Variants in MNX1 observed in about 807,000 individuals in gnomAD.
The protein encoded by MNX1 is motor neuron and pancreas homeobox 1, also known as motor neuron and pancreas homeobox protein 1.
In MNX1, 2 loss-of-function variants were observed where a neutral mutation model predicts 17.3. The observed-to-expected ratio is 0.12, with a 90% CI of 0.05 to 0.36. The LOEUF (loss-of-function observed/expected upper bound fraction) is 0.36, where lower values mean the gene tolerates loss of function less well. Ranked by LOEUF, MNX1 falls within the 10% of genes least tolerant of loss-of-function variation. The pLI is 1.00. For missense variants in MNX1, 556 were observed against 564.7 expected (o/e 0.98, Z 0.16); for synonymous variants, 306 against 283.1 (o/e 1.08, Z -0.81).
intron 1 of MNX1, chr7:157,009,347 T>C (rs1282205257): frequency 1.4e-6 from 2 of 1,413,422 alleles, no homozygotes; most frequent in Non-Finnish European, 1.8e-6. Flanking sequence ...TCGGCTCGCC[T>C]TCCCCCGGCG....
chr7:157,007,577 G>A (rs28700151), intron 1 of MNX1: 15,395 of 152,274 alleles, frequency 0.1, 884 homozygotes, highest in Middle Eastern at 0.14. Context: ...AGGCAGAGGC[G>A]CAGGCAGGAT....
intron 2 of MNX1, 37 bp from the exon 3 acceptor site, chr7:157,005,910 C>G (rs764534278): frequency 4.6e-5 from 74 of 1,606,126 alleles, no homozygotes; most frequent in Non-Finnish European, 5.9e-5. Context: ...CCGGCCACCG[C>G]CACCCCAGGG....
At chr7:157,008,998 C>G (rs1472405945) in intron 1 of MNX1, 1 of 1,537,140 alleles carries the variant, frequency 6.5e-7, no homozygotes, top group Admixed American at 2.0e-5. Context: ...CATTCGTTAC[C>G]TTGTTGGGCG....
chr7:157,009,333 G>A (rs1056869713), intron 1 of MNX1: 105 of 1,412,864 alleles, frequency 7.4e-5, no homozygotes, highest in Middle Eastern at 1.8e-4. Context: ...AATTCAGGGC[G>A]CTCTCGGCTC....
In MNX1 at chr7:157,009,955, G is replaced by GGCGGCA; in HGVS notation, c.395_396insTGCCGC (p.Ala133_Ala134dup). The GGCGGCA allele has an allele frequency of 1.0e-6, 1 of 963,576 alleles. No individual in the cohort carries two copies. The highest frequency in any genetic ancestry group is 4.7e-5 in the South Asian group (1 of 21,498). The allele number at this position is 963,576 out of a possible 1,614,324, so 59.7% of individuals were successfully genotyped here. A position where few individuals can be genotyped will look rare whatever the true frequency, so the allele number is the denominator to read the frequency against. On this transcript the variant is annotated inframe_insertion, in exon 1 of 3. Coordinates refer to ENST00000252971, the MANE Select transcript of MNX1 (RefSeq NM_005515.4). ...GCCCCAGCGCCAGGCCCCCAGCGGC[G>GGCGGCA]GCGGCGGCGGCGGCGGCGGCGGCAG...
In MNX1 at chr7:157,009,892, C is replaced by T; in HGVS notation, c.459G>A (p.Pro153=). ...PGGAQGGAGL[P]AQAALYGHPV... Reference sequence around the variant, plus strand: ...GGTGGCCGTAGAGCGCCGCCTGCGCCGGGAGGCCCGCGCCGCCCTGCGCGC... The same window carrying T: ...GGTGGCCGTAGAGCGCCGCCTGCGCTGGGAGGCCCGCGCCGCCCTGCGCGC... The change falls in exon 1 of 3, where the codon CCG becomes CCA. Residue 153 remains proline, a synonymous_variant. Coordinates refer to ENST00000252971, the MANE Select transcript of MNX1 (RefSeq NM_005515.4). 4.3e-6 allele frequency: 6 copies of T among 1,400,910 alleles called. No homozygotes were observed. The highest frequency in any genetic ancestry group is 4.6e-6 in the Non-Finnish European group (5 of 1,081,302). 86.8% of individuals were successfully genotyped at this position (1,400,910 alleles called of 1,614,324 possible). A position where few individuals can be genotyped will look rare whatever the true frequency, so the allele number is the denominator to read the frequency against.
chr7:157,010,519 C>T lies in MNX1; in HGVS notation c.-169G>A. On this transcript the variant is annotated 5_prime_UTR_variant, in exon 1 of 3. Transcript: ENST00000252971. ...AAACTCAGCCGAGGGTGACCATGGT[C>T]CCGGCGCCTCCTCCGTGCGGGCCCC... is the stretch of plus-strand genomic sequence containing the variant. 2 of 436,010 alleles carry T rather than the reference C, an allele frequency of 4.6e-6. No individual in the cohort carries two copies. The highest frequency in any genetic ancestry group is 8.1e-6 in the Non-Finnish European group (2 of 246,854). 27.0% of individuals were successfully genotyped at this position (436,010 alleles called of 1,614,324 possible). A position where few individuals can be genotyped will look rare whatever the true frequency, so the allele number is the denominator to read the frequency against.
rs1805571175 is a variant in MNX1 at position 157,005,385 on chromosome 7, G to A, written c.*135C>T. ...GGCCGAATCCCTCCAGCCCCGGCCT[G>A]GGCGAGGGGTCCATGGGGCGGCGGT... On this transcript the variant is annotated 3_prime_UTR_variant, in exon 3 of 3. Transcript: ENST00000252971. The A allele has an allele frequency of 9.4e-6, 5 of 530,522 alleles. No homozygotes were observed. Among genetic ancestry groups the A allele is most frequent in the Non-Finnish European group, 1.1e-5 (4 of 371,312 alleles). 32.9% of individuals were successfully genotyped at this position (530,522 alleles called of 1,614,324 possible).
At position 157,009,670 on chromosome 7, in the gene MNX1, G is replaced by C. The variant is rs764138906; in HGVS notation, c.681C>G (p.Pro227=). The C allele has an allele frequency of 3.7e-6, 6 of 1,609,200 alleles. No individual in the cohort carries two copies. In the South Asian group the frequency reaches 4.4e-5, roughly 12 times the overall value. Residue 227 remains proline, a synonymous_variant, in exon 1 of 3, where the codon CCC becomes CCG. Transcript: ENST00000252971. ...STAGMILPKM[P]DFNSQAQSNL... is the part of the protein sequence containing the mutation. ...CCGCAGGGTACTCACAGTTGAAGTC[G>C]GGCATCTTAGGCAGGATCATGCCCG...
Position 157,005,557 on chromosome 7 carries a change from G to C in MNX1, c.1169C>G (p.Pro390Arg), listed in dbSNP as rs1371779016. ...SSDCSSEDDS[P>R]PPRPSHQPAP... The stretch of plus-strand genomic sequence containing the variant: ...GGGCTGGTGGCTGGGCCGCGGGGGC[G>C]GCGAGTCGTCCTCCGAGGAGCAGTC... Residue 390 changes from proline (P) to arginine (R), a missense_variant, in exon 3 of 3, where the codon CCG (proline) becomes CGG (arginine). Pro to Arg is a moderately radical substitution (Grantham distance 103, BLOSUM62 -2). Coordinates refer to ENST00000252971, the MANE Select transcript of MNX1 (RefSeq NM_005515.4). 6.4e-7 allele frequency: 1 copy of C among 1,556,860 alleles called. No homozygotes were observed. Among genetic ancestry groups the C allele is most frequent in the South Asian group, 1.2e-5 (1 of 85,070 alleles).
Position 157,006,676 on chromosome 7 carries a change from C to G in MNX1, c.692-37G>C. The G allele has an allele frequency of 2.0e-6, 3 of 1,536,386 alleles. No homozygotes were observed. The highest frequency in any genetic ancestry group is 1.2e-5 in the South Asian group (1 of 83,710). The stretch of plus-strand genomic sequence containing the variant: ...AGGGCAGTGAGGCCCACAGCCGGCT[C>G]CGGTCCTCGCCCCAGCCCCTCCCGT... On this transcript the variant is annotated intron_variant, in intron 1 of 2. Transcript: ENST00000252971. The surrounding 1 kb of genome is among the most constrained non-coding windows in gnomAD (Gnocchi z 6.3).
In MNX1 at chr7:157,010,595, G is replaced by A; in HGVS notation, c.-245C>T. On this transcript the variant is annotated 5_prime_UTR_variant, in exon 1 of 3. Coordinates refer to ENST00000252971, the MANE Select transcript of MNX1 (RefSeq NM_005515.4). ...CCCACGCGAGTGCTTCCCCGCGTCCGGGCCCGGGAGCCCGGTTCTTTGCGC... is the reference window on the plus strand; with the variant it reads ...CCCACGCGAGTGCTTCCCCGCGTCCAGGCCCGGGAGCCCGGTTCTTTGCGC... The A allele has an allele frequency of 3.3e-6, 1 of 299,224 alleles. No individual in the cohort carries two copies. The highest frequency in any genetic ancestry group is 6.2e-6 in the Non-Finnish European group (1 of 160,688). The allele number at this position is 299,224 out of a possible 1,614,324, so 18.5% of individuals were successfully genotyped here. A position where few individuals can be genotyped will look rare whatever the true frequency, so the allele number is the denominator to read the frequency against.
intron 1 of MNX1, 23 bp downstream of exon 1, chr7:157,009,637 C>A: frequency 6.2e-7 from 1 of 1,606,042 alleles, no homozygotes; most frequent in South Asian, 1.1e-5. Context: ...CACGCGCATC[C>A]ACGGGGGCCG....
chr7:157,005,543 T>G lies in MNX1; in HGVS notation c.1183A>C (p.Ser395Arg), dbSNP rs1018525514. ...SEDDSPPPRP[S>R]HQPAPQ Reference sequence around the variant, plus strand: ...TCCTACTGGGGCGCGGGCTGGTGGCTGGGCCGCGGGGGCGGCGAGTCGTCC... The same window carrying G: ...TCCTACTGGGGCGCGGGCTGGTGGCGGGGCCGCGGGGGCGGCGAGTCGTCC... The change falls in exon 3 of 3, where the codon AGC becomes CGC. Residue 395 changes from serine to arginine, a missense_variant. Physicochemically the swap from Ser to Arg is moderately radical, Grantham distance 110. Transcript: ENST00000252971. 1.9e-6 allele frequency: 3 copies of G among 1,538,832 alleles called. No individual in the cohort carries two copies. Among genetic ancestry groups the G allele is most frequent in the Non-Finnish European group, 2.6e-6 (3 of 1,147,664 alleles).
chr7:157,005,621 G>A lies in MNX1; in HGVS notation c.1105C>T (p.Pro369Ser). The A allele has an allele frequency of 6.2e-7, 1 of 1,608,942 alleles. No individual in the cohort carries two copies. The highest frequency in any genetic ancestry group is 8.5e-7 in the Non-Finnish European group (1 of 1,178,606). ...DEDEDDEDHF[P>S]YSNGASVHAA... ...TGGACGCTGGCGCCGTTGCTGTAGGGGAAATGGTCCTCGTCGTCCTCGTCC... is the reference window on the plus strand; with the variant it reads ...TGGACGCTGGCGCCGTTGCTGTAGGAGAAATGGTCCTCGTCGTCCTCGTCC... Residue 369 changes from proline (P) to serine (S), a missense_variant, in exon 3 of 3, where the codon CCC (proline) becomes TCC (serine). By Grantham distance (74) the Pro-to-Ser change is moderately conservative. Transcript: ENST00000252971.
rs747809790 is a variant in MNX1, at chr7:157,009,724, C to G, written c.627G>C (p.Gln209His). The G allele has an allele frequency of 1.9e-6, 3 of 1,608,266 alleles. No homozygotes were observed. Among genetic ancestry groups the G allele is most frequent in the Non-Finnish European group, 2.5e-6 (3 of 1,178,866 alleles). ...TGGACGCGCGCAGCCACTGGTCCAG[C>G]TGGAAGGTGCCGGCGCCCAGCTTGA... is the stretch of plus-strand genomic sequence containing the variant. ...DPIKLGAGTF[Q>H]LDQWLRASTA... Residue 209 changes from glutamine (Q) to histidine (H), a missense_variant, in exon 1 of 3, where the codon CAG becomes CAC. Around this residue, in one of 7 missense-constraint regions of MNX1, gnomAD observed 210 missense variants for 211.3 expected, o/e 0.99. Transcript: ENST00000252971.
At chr7:157,009,357 G>A (rs1311812014) in intron 1 of MNX1, 2 of 1,411,312 alleles carry the variant, frequency 1.4e-6, no homozygotes, top group South Asian at 3.3e-5. Context: ...TTCCCCCGGC[G>A]ACTTCCTTCT....
intron 1 of MNX1, chr7:157,008,642 C>T (rs1475259264): frequency 3.2e-6 from 1 of 312,754 alleles, no homozygotes. Context: ...TTCTTTTTTG[C>T]TTTTCCCCTG....
rs969821577 is a variant in MNX1, at chr7:157,010,153, C to G, written c.198G>C (p.Pro66=). Residue 66 remains proline, a synonymous_variant, in exon 1 of 3, where the codon CCG becomes CCC. Coordinates refer to ENST00000252971, the MANE Select transcript of MNX1 (RefSeq NM_005515.4). ...CGCGCAGGCGGTCGGCGGGCGCAGCCGGCGGCTCCGAGGACGCGGGGCTGC... is the reference window on the plus strand; with the variant it reads ...CGCGCAGGCGGTCGGCGGGCGCAGCGGGCGGCTCCGAGGACGCGGGGCTGC... ...GSCSPASSEP[P]AAPADRLRAE... is the part of the protein sequence containing the mutation. 192 of 1,095,404 alleles carry G rather than the reference C, an allele frequency of 1.8e-4. No homozygotes were observed. The highest frequency in any genetic ancestry group is 2.1e-4 in the Non-Finnish European group (187 of 901,720). 67.9% of individuals were successfully genotyped at this position (1,095,404 alleles called of 1,614,324 possible).
Sources: gnomAD v4.1 joint callset for allele counts on GRCh38, gnomAD v4.1.1 for gene constraint, gnomAD v4.1.1 regional missense constraint, Gnocchi (gnomAD v3.1) non-coding constraint, MANE v1.5 for transcripts, NCBI Gene and HGNC (gene_info 2026-07-23, HGNC 2026-07-21) for gene names.